The following KAT6B variants were observed in gnomAD, a reference collection of about 807,000 sequenced individuals.
KAT6B encodes histone acetyltransferase KAT6B.
KAT6B carries 10 observed loss-of-function variants against 187.5 expected under a neutral mutation model. That is an observed-to-expected ratio of 0.05 (90% confidence interval 0.03 to 0.09). The LOEUF (loss-of-function observed/expected upper bound fraction) is 0.09. KAT6B is among the 10% of genes least tolerant of loss of function. KAT6B has a pLI of 1.00. For missense variants in KAT6B, 1,952 were observed against 2,558.9 expected (o/e 0.76, Z 5.12); for synonymous variants, 861 against 926.8 (o/e 0.93, Z 1.29).
In KAT6B at chr10:75,030,474, C is replaced by G. The variant is rs761472261; in HGVS notation, c.5650C>G (p.Leu1884Val). The G allele has an allele frequency of 6.2e-7, 1 of 1,613,172 alleles. No homozygotes were observed. Among genetic ancestry groups the G allele is most frequent in the Admixed American group, 1.7e-5 (1 of 60,022 alleles). The change falls in exon 18 of 18, where the codon CTG becomes GTG. Residue 1884 changes from leucine (L) to valine (V), a missense_variant. Coordinates refer to ENST00000287239, the MANE Select transcript of KAT6B (RefSeq NM_012330.4). This position sits in a 1 kb window ranked among gnomAD's most constrained non-coding sequence, Gnocchi z 4.8. ...AGCTACCATGACCCCACCCCCCAACCTGACTCCTCCTCCAATGAATCTGCC... is the reference window on the plus strand; with the variant it reads ...AGCTACCATGACCCCACCCCCCAACGTGACTCCTCCTCCAATGAATCTGCC... ...AQATMTPPPNLTPPPMNLPPP... is the reference protein window; with the variant it reads ...AQATMTPPPNVTPPPMNLPPP...
chr10:74,899,986 ATAAG>A (rs1846266052), intron 3 of KAT6B, among the ~76,000 whole-genome samples: 1 of 152,230 alleles, frequency 6.6e-6, no homozygotes, highest in Non-Finnish European at 1.5e-5. Context: ...TCTATAGTGT[ATAAG>A]TAAGTTCTGT....
At position 75,024,961 on chromosome 10, in the gene KAT6B, C is replaced by T. The variant is rs767796290; in HGVS notation, c.3376C>T (p.Pro1126Ser). Reference sequence around the variant, plus strand: ...TTATGTTTGGAATTAATTTCAGAGGCCTTTTGTACTAAAGAAGAAAAGGGG... The same window carrying T: ...TTATGTTTGGAATTAATTTCAGAGGTCTTTTGTACTAAAGAAGAAAAGGGG... Reference protein sequence around the residue: ...PQSVAIKRKRPFVLKKKRGRK... With the variant: ...PQSVAIKRKRSFVLKKKRGRK... Residue 1126 changes from proline (P) to serine (S), a missense_variant, in exon 17 of 18, where the codon CCT becomes TCT. Transcript: ENST00000287239. The T allele has an allele frequency of 1.2e-6, 2 of 1,613,920 alleles. No individual in the cohort carries two copies. The highest frequency in any genetic ancestry group is 1.7e-6 in the Non-Finnish European group (2 of 1,179,888).
At chr10:74,843,904 A>G (rs995990832) in intron 3 of KAT6B, among the ~76,000 whole-genome samples, 2 of 152,192 alleles carry the variant, frequency 1.3e-5, no homozygotes, top group African/African-American at 4.8e-5. Context: ...GACAGAATCT[A>G]GCTCTGTCGC....
chr10:74,885,923 G>T (rs1199810388), intron 3 of KAT6B, among the ~76,000 whole-genome samples: 1 of 152,128 alleles, frequency 6.6e-6, no homozygotes, highest in African/African-American at 2.4e-5. Flanking sequence ...AGTGGAGACA[G>T]GGTTTCACCA....
chr10:74,925,449 G>A (rs1848430094), intron 3 of KAT6B, among the ~76,000 whole-genome samples: 1 of 130,170 alleles, frequency 7.7e-6, no homozygotes, highest in Non-Finnish European at 1.5e-5. Context: ...TTCCTGTGCT[G>A]GTCTAGGATT....
At chr10:75,004,223 G>C (rs139734073) in intron 13 of KAT6B, among the ~76,000 whole-genome samples, 15 of 152,252 alleles carry the variant, frequency 9.9e-5, no homozygotes, top group African/African-American at 3.4e-4. Flanking sequence ...ACCTTAGTGG[G>C]ACCATCAAGA....
At chr10:74,903,781 A>G (rs1262487999) in intron 3 of KAT6B, among the ~76,000 whole-genome samples, 3 of 152,214 alleles carry the variant, frequency 2.0e-5, no homozygotes, top group Non-Finnish European at 2.9e-5. Context: ...AATATAGTCC[A>G]GGGTCTGGCT....
intron 3 of KAT6B, among the ~76,000 whole-genome samples, chr10:74,897,071 A>G (rs1304647618): frequency 6.6e-6 from 1 of 152,200 alleles, no homozygotes; most frequent in African/African-American, 2.4e-5. Context: ...GAATTTGTGT[A>G]TGGTATAAGA....
At chr10:74,918,287 C>T (rs1847852950) in intron 3 of KAT6B, among the ~76,000 whole-genome samples, 1 of 152,196 alleles carries the variant, frequency 6.6e-6, no homozygotes, top group Non-Finnish European at 1.5e-5. Flanking sequence ...AGAAAAACTC[C>T]TGCTCTTGTT....
chr10:74,971,960 T>G (rs955409136), intron 6 of KAT6B, among the ~76,000 whole-genome samples: 1 of 152,166 alleles, frequency 6.6e-6, no homozygotes, highest in Non-Finnish European at 1.5e-5. Context: ...AGGCTTTGGT[T>G]GTTCTGGTCT....
intron 3 of KAT6B, among the ~76,000 whole-genome samples, chr10:74,890,381 G>A (rs1202249992): frequency 6.6e-6 from 1 of 152,098 alleles, no homozygotes; most frequent in African/African-American, 2.4e-5. Flanking sequence ...GCTCACACTT[G>A]TAATCCCATT....
At chr10:74,896,169 C>A (rs1428849404) in intron 3 of KAT6B, among the ~76,000 whole-genome samples, 1 of 152,162 alleles carries the variant, frequency 6.6e-6, no homozygotes, top group Non-Finnish European at 1.5e-5. Flanking sequence ...CTTTTATAAA[C>A]CCCCTCTCTC....
intron 3 of KAT6B, among the ~76,000 whole-genome samples, chr10:74,897,773 A>C (rs1846091494): frequency 6.6e-6 from 1 of 152,224 alleles, no homozygotes; most frequent in African/African-American, 2.4e-5. Flanking sequence ...CATCCTATTA[A>C]AAATTTAAAT....
chr10:74,999,849 A>T lies in KAT6B; in HGVS notation c.2629+10737A>T, dbSNP rs191395814. Among the ~76,000 whole-genome samples, 538 of 152,342 alleles carry T rather than the reference A, an allele frequency of 3.5e-3. 4 individuals are homozygous for T. The highest frequency in any genetic ancestry group is 0.012 in the African/African-American group (512 of 41,588). ...TTTGGACAACTGTATATTAAGTGCGATTAAAAGTAGATTCAAAAAGCTTTT... is the reference window on the plus strand; with the variant it reads ...TTTGGACAACTGTATATTAAGTGCGTTTAAAAGTAGATTCAAAAAGCTTTT... On this transcript the variant is annotated intron_variant, in intron 13 of 17. Transcript: ENST00000287239.
At chr10:74,998,709 A>G (rs796721849) in intron 13 of KAT6B, among the ~76,000 whole-genome samples, 11 of 152,344 alleles carry the variant, frequency 7.2e-5, no homozygotes, top group African/African-American at 2.4e-4. Context: ...ACATGAGCCC[A>G]GGAGTTCGAG....
chr10:74,896,184 A>G (rs993337402), intron 3 of KAT6B, among the ~76,000 whole-genome samples: 9 of 152,140 alleles, frequency 5.9e-5, no homozygotes, highest in African/African-American at 2.2e-4. Flanking sequence ...TCTCTCCAGG[A>G]CCATATGCTG....
chr10:74,957,812 A>T (rs1190398323), intron 3 of KAT6B, among the ~76,000 whole-genome samples: 1 of 152,246 alleles, frequency 6.6e-6, no homozygotes, highest in Non-Finnish European at 1.5e-5. Flanking sequence ...TTCCCAAGGT[A>T]CTGCAGTTGA....
intron 12 of KAT6B, among the ~76,000 whole-genome samples, chr10:74,987,525 T>A (rs750904865): frequency 3.9e-5 from 6 of 152,120 alleles, no homozygotes; most frequent in African/African-American, 9.7e-5. Context: ...TGAACCACAT[T>A]CTAGAGGTTA....
intron 3 of KAT6B, among the ~76,000 whole-genome samples, chr10:74,918,633 C>T (rs984974505): frequency 1.3e-5 from 2 of 152,004 alleles, no homozygotes; most frequent in Non-Finnish European, 2.9e-5. Context: ...ATCCCAGCTA[C>T]TTGGGAGGCT....
Sources: gnomAD v4.1 joint callset for allele counts (sites outside exome capture counted in the v4.1 genomes callset) on GRCh38, gnomAD v4.1.1 for gene constraint, Gnocchi (gnomAD v3.1) non-coding constraint, MANE v1.5 for transcripts, NCBI Gene and HGNC (gene_info 2026-07-23, HGNC 2026-07-21) for gene names.